POU6F2: variants seen among roughly 807,000 people sequenced by gnomAD.
The protein encoded by POU6F2 is POU domain, class 6, transcription factor 2.
A neutral mutation model predicts 71.3 loss-of-function variants in POU6F2; 31 were observed. That is an observed-to-expected ratio of 0.43 (90% confidence interval 0.33 to 0.59). POU6F2 has a LOEUF of 0.59. Ranked by LOEUF, POU6F2 falls within the 20% of genes least tolerant of loss-of-function variation. The pLI is 0.04. For synonymous variants in POU6F2, 347 were observed against 355.7 expected, an observed-to-expected ratio of 0.98 and a Z score of 0.27; for missense variants, 783 against 856.8, an observed-to-expected ratio of 0.91 and a Z score of 1.07.
chr7:39,411,177 A>C (rs2237398), intron 6 of POU6F2, among the ~76,000 whole-genome samples: 1,754 of 152,276 alleles, frequency 0.012, 27 homozygotes, highest in East Asian at 0.063. Context: ...TTTTAAGGAA[A>C]TCTTACCCTT....
chr7:39,108,173 G>T (rs1002899743), intron 2 of POU6F2, among the ~76,000 whole-genome samples: 6 of 152,178 alleles, frequency 3.9e-5, no homozygotes, highest in Non-Finnish European at 7.3e-5. Context: ...TGGTTATGCT[G>T]ATAATCAAAA....
Position 39,371,753 on chromosome 7 carries a change from A to G in POU6F2, c.972+31738A>G, listed in dbSNP as rs201590273. Among the ~76,000 whole-genome samples the G allele has an allele frequency of 7.9e-5, 12 of 152,348 alleles. No individual in the cohort carries two copies. In the East Asian group the frequency reaches 2.3e-3, roughly 29 times the overall value. ...GCCCAACACCCACTCAAGGTAGACA[A>G]TTAGTTAATCAAAGTAATTAACTAG... On this transcript the variant is annotated intron_variant, in intron 5 of 9. Transcript: ENST00000518318.
At chr7:38,993,310 G>C (rs1001312676) in intron 1 of POU6F2, among the ~76,000 whole-genome samples, 2 of 151,966 alleles carry the variant, frequency 1.3e-5, no homozygotes, top group African/African-American at 4.8e-5. Flanking sequence ...TATAGGCAAA[G>C]GTAAAAAGAA....
At chr7:39,261,314 A>G (rs976429215) in intron 4 of POU6F2, among the ~76,000 whole-genome samples, 5 of 152,112 alleles carry the variant, frequency 3.3e-5, no homozygotes, top group Non-Finnish European at 7.4e-5. Flanking sequence ...TCCTTCCTCC[A>G]TCACATCTTC....
chr7:39,427,174 T>C (rs1044391931), intron 6 of POU6F2, among the ~76,000 whole-genome samples: 22 of 152,342 alleles, frequency 1.4e-4, no homozygotes, highest in African/African-American at 4.3e-4. Flanking sequence ...ATTTGGCTGG[T>C]AAACCACAGT....
At chr7:39,269,899 T>C (rs1784312942) in intron 4 of POU6F2, among the ~76,000 whole-genome samples, 1 of 152,164 alleles carries the variant, frequency 6.6e-6, no homozygotes, top group South Asian at 2.1e-4. Context: ...AATCACACCA[T>C]CCCATTCCAG....
chr7:39,070,715 G>A (rs1348161166), intron 1 of POU6F2, among the ~76,000 whole-genome samples: 1 of 152,088 alleles, frequency 6.6e-6, no homozygotes, highest in African/African-American at 2.4e-5. Flanking sequence ...CTGTGCCCAC[G>A]GGTCCCTTCA....
chr7:39,258,263 G>A (rs1043245520), intron 4 of POU6F2, among the ~76,000 whole-genome samples: 2 of 152,084 alleles, frequency 1.3e-5, no homozygotes, highest in Non-Finnish European at 2.9e-5. Context: ...ATACCCAGAG[G>A]CAACAGCACT....
At chr7:39,445,403 C>G (rs1423644052) in intron 7 of POU6F2, among the ~76,000 whole-genome samples, 1 of 152,216 alleles carries the variant, frequency 6.6e-6, no homozygotes, top group African/African-American at 2.4e-5. Flanking sequence ...TCTGGTCTCA[C>G]CTTCTCACTC....
chr7:39,052,063 C>T (rs965898715), intron 1 of POU6F2, among the ~76,000 whole-genome samples: 9 of 152,096 alleles, frequency 5.9e-5, no homozygotes, highest in African/African-American at 2.2e-4. Flanking sequence ...GGTGTCAGTG[C>T]TGAAACACCT....
chr7:38,999,860 AT>A (rs1199593151), intron 1 of POU6F2, among the ~76,000 whole-genome samples: 3 of 152,198 alleles, frequency 2.0e-5, no homozygotes, highest in East Asian at 3.9e-4. Context: ...CAATTCAACA[AT>A]CAGTCTGGTT....
At chr7:39,050,575 A>G (rs1028893662) in intron 1 of POU6F2, among the ~76,000 whole-genome samples, 1 of 152,100 alleles carries the variant, frequency 6.6e-6, no homozygotes, top group African/African-American at 2.4e-5. Flanking sequence ...TGGTTGGCCC[A>G]TTAGGGCCTC....
At chr7:39,252,882 G>C (rs1257935494) in intron 4 of POU6F2, among the ~76,000 whole-genome samples, 8 of 152,110 alleles carry the variant, frequency 5.3e-5, no homozygotes. Context: ...CTTTATTTTA[G>C]CTATAGCTCT....
intron 1 of POU6F2, among the ~76,000 whole-genome samples, chr7:38,992,277 G>A (rs1788625065): frequency 6.6e-6 from 1 of 151,992 alleles, no homozygotes; most frequent in South Asian, 2.1e-4. Flanking sequence ...TGTTTTTTGC[G>A]CTCTGCTCCT....
At chr7:39,365,584 G>A (rs913929148) in intron 5 of POU6F2, among the ~76,000 whole-genome samples, 1 of 152,172 alleles carries the variant, frequency 6.6e-6, no homozygotes, top group African/African-American at 2.4e-5. Context: ...ACAATCATCA[G>A]AGTAAACAGA....
At chr7:39,314,151 T>C (rs1785218525) in intron 4 of POU6F2, among the ~76,000 whole-genome samples, 1 of 152,206 alleles carries the variant, frequency 6.6e-6, no homozygotes, top group African/African-American at 2.4e-5. Flanking sequence ...GGTCCCTGGC[T>C]TCCTCACCCA....
At chr7:39,158,628 T>A (rs1792924229) in intron 2 of POU6F2, among the ~76,000 whole-genome samples, 2 of 152,132 alleles carry the variant, frequency 1.3e-5, no homozygotes, top group South Asian at 4.1e-4. Context: ...GAAGTTCTCA[T>A]ATCCAAGGGC....
At chr7:39,453,400 G>A (rs577739485) in intron 8 of POU6F2, among the ~76,000 whole-genome samples, 1 of 152,138 alleles carries the variant, frequency 6.6e-6, no homozygotes, top group African/African-American at 2.4e-5. Context: ...CTAAATGGCA[G>A]CAAGGTCATA....
At chr7:39,028,010 A>G (rs752756116) in intron 1 of POU6F2, among the ~76,000 whole-genome samples, 3 of 152,170 alleles carry the variant, frequency 2.0e-5, no homozygotes, top group Non-Finnish European at 2.9e-5. Flanking sequence ...ACTTGGTATA[A>G]CCCAATTATT....
Sources: allele counts gnomAD v4.1 joint callset (sites outside exome capture counted in the v4.1 genomes callset), GRCh38; gene constraint gnomAD v4.1.1; transcripts MANE v1.5; gene names NCBI Gene and HGNC (gene_info 2026-07-23, HGNC 2026-07-21).